The following MGMT variants were observed in gnomAD, a reference collection of about 807,000 sequenced individuals.
The protein encoded by MGMT is O-6-methylguanine-DNA methyltransferase.
MGMT carries 14 observed loss-of-function variants against 15.9 expected under a neutral mutation model. That is an observed-to-expected ratio of 0.88 (90% CI 0.58 to 1.37). The LOEUF is 1.37. Ranked by LOEUF, MGMT falls within the 40% of genes most tolerant of loss-of-function variation. The pLI is 0.00. For synonymous variants in MGMT, 130 were observed against 118.2 expected, an observed-to-expected ratio of 1.10 and a Z score of -0.65; for missense variants, 282 against 268.1, an observed-to-expected ratio of 1.05 and a Z score of -0.36.
At chr10:129,729,458 C>T (rs530049042) in intron 3 of MGMT, among the ~76,000 whole-genome samples, 1 of 152,202 alleles carries the variant, frequency 6.6e-6, no homozygotes, top group African/African-American at 2.4e-5. Context: ...ACCTGCGTGC[C>T]TCTCGTCCTC....
At chr10:129,627,551 G>A (rs934805204) in intron 2 of MGMT, among the ~76,000 whole-genome samples, 4 of 152,000 alleles carry the variant, frequency 2.6e-5, no homozygotes, top group Non-Finnish European at 5.9e-5. Flanking sequence ...CTGGCCCCTC[G>A]CCCTCCACTC....
chr10:129,624,622 G>A (rs984191135), intron 2 of MGMT, among the ~76,000 whole-genome samples: 13 of 152,218 alleles, frequency 8.5e-5, no homozygotes, highest in Admixed American at 8.5e-4. Flanking sequence ...TCCAAGGGAA[G>A]GCAGAGGAGG....
chr10:129,624,836 C>T (rs1015642946), intron 2 of MGMT, among the ~76,000 whole-genome samples: 2 of 152,092 alleles, frequency 1.3e-5, no homozygotes, highest in African/African-American at 2.4e-5. Flanking sequence ...AGAGATGCAC[C>T]GTGCAGGGCA....
chr10:129,568,665 C>A (rs1225153343), intron 2 of MGMT, among the ~76,000 whole-genome samples: 1 of 152,144 alleles, frequency 6.6e-6, no homozygotes, highest in Admixed American at 6.5e-5. Flanking sequence ...GTTTCTGAGA[C>A]CCCTCTGGAG....
chr10:129,718,480 A>G (rs1052768309), intron 3 of MGMT, among the ~76,000 whole-genome samples: 5 of 151,816 alleles, frequency 3.3e-5, no homozygotes, highest in South Asian at 2.1e-4. Flanking sequence ...TCGAAGGGCA[A>G]TTCTTCACTC....
At chr10:129,488,856 A>G (rs1305585381) in intron 1 of MGMT, among the ~76,000 whole-genome samples, 3 of 152,134 alleles carry the variant, frequency 2.0e-5, no homozygotes, top group East Asian at 1.9e-4. Context: ...CTGCAAATAT[A>G]TGACAAACAT....
At chr10:129,694,642 A>G (rs1050953037) in intron 2 of MGMT, among the ~76,000 whole-genome samples, 3 of 152,048 alleles carry the variant, frequency 2.0e-5, no homozygotes, top group African/African-American at 7.2e-5. Flanking sequence ...GACTTTTCCA[A>G]GCCCCAGTTA....
Position 129,749,466 on chromosome 10 carries a change from T to G in MGMT, c.275-9736T>G, listed in dbSNP as rs113186989. ...CCGTGTCTTCTGCATAGCTCATTTTTTTCACTGAATAATATTCCATTGTAT... is the reference window on the plus strand; with the variant it reads ...CCGTGTCTTCTGCATAGCTCATTTTGTTCACTGAATAATATTCCATTGTAT... On this transcript the variant is annotated intron_variant, in intron 3 of 4. Coordinates refer to ENST00000651593, the MANE Select transcript of MGMT (RefSeq NM_002412.5). Among the ~76,000 whole-genome samples, 210 of 152,338 alleles carry G rather than the reference T, an allele frequency of 1.4e-3. 1 individual carries two copies. The highest frequency in any genetic ancestry group is 4.9e-3 in the African/African-American group (204 of 41,582).
At chr10:129,530,063 C>G (rs1057080611) in intron 1 of MGMT, among the ~76,000 whole-genome samples, 3 of 151,656 alleles carry the variant, frequency 2.0e-5, no homozygotes, top group African/African-American at 7.3e-5. Flanking sequence ...ACCAGCCTGG[C>G]TAATGTTTTT....
At chr10:129,720,067 G>C (rs553841245) in intron 3 of MGMT, among the ~76,000 whole-genome samples, 1 of 152,118 alleles carries the variant, frequency 6.6e-6, no homozygotes, top group Non-Finnish European at 1.5e-5. Flanking sequence ...CCCGCCCTCC[G>C]CCCTTGCTTG....
intron 1 of MGMT, among the ~76,000 whole-genome samples, chr10:129,505,276 CTG>C (rs1845614310): frequency 6.6e-6 from 1 of 152,068 alleles, no homozygotes; most frequent in Non-Finnish European, 1.5e-5. Flanking sequence ...TATTGATAAA[CTG>C]TATATTATTA....
intron 2 of MGMT, among the ~76,000 whole-genome samples, chr10:129,669,164 G>T (rs993906226): frequency 6.6e-6 from 1 of 151,864 alleles, no homozygotes; most frequent in Non-Finnish European, 1.5e-5. Flanking sequence ...TGATATTTTT[G>T]TTTTTTTAAA....
At chr10:129,763,486 G>A (rs973989984) in intron 4 of MGMT, among the ~76,000 whole-genome samples, 5 of 152,134 alleles carry the variant, frequency 3.3e-5, no homozygotes, top group Admixed American at 2.0e-4. Flanking sequence ...TTGTTATTCC[G>A]TGCCATCTGT....
At chr10:129,696,673 T>C (rs968194315) in intron 2 of MGMT, among the ~76,000 whole-genome samples, 1 of 152,250 alleles carries the variant, frequency 6.6e-6, no homozygotes, top group Admixed American at 6.5e-5. Context: ...GTCTACCCAT[T>C]CGCTCAGTGG....
intron 1 of MGMT, among the ~76,000 whole-genome samples, chr10:129,472,066 C>A (rs894216124): frequency 2.6e-5 from 4 of 152,324 alleles, no homozygotes; most frequent in African/African-American, 9.6e-5. Context: ...ATATTTCACC[C>A]CTTCTTTCCT....
chr10:129,770,576 G>A lies in MGMT; in HGVS notation c.*3579G>A, dbSNP rs543205280. ...AGCTCGGACTTCACCCCGTTGGAGCGGGCAGGATGTCACACTGAGCTAATG... is the reference window on the plus strand; with the variant it reads ...AGCTCGGACTTCACCCCGTTGGAGCAGGCAGGATGTCACACTGAGCTAATG... On this transcript the variant is annotated 3_prime_UTR_variant, in exon 5 of 5. Coordinates refer to ENST00000651593, the MANE Select transcript of MGMT (RefSeq NM_002412.5). 3.9e-5 allele frequency among the ~76,000 whole-genome samples: 6 copies of A among 152,352 alleles called. No individual in the cohort carries two copies. Among genetic ancestry groups the A allele is most frequent in the African/African-American group, 7.2e-5 (3 of 41,570 alleles).
At chr10:129,662,128 C>T (rs945251039) in intron 2 of MGMT, among the ~76,000 whole-genome samples, 4 of 151,588 alleles carry the variant, frequency 2.6e-5, no homozygotes, top group African/African-American at 9.7e-5. Flanking sequence ...GGTGGGGACA[C>T]GGGAGGCAGA....
intron 2 of MGMT, among the ~76,000 whole-genome samples, chr10:129,649,090 A>G (rs1229051710): frequency 6.6e-6 from 1 of 151,968 alleles, no homozygotes; most frequent in Non-Finnish European, 1.5e-5. Flanking sequence ...TCAATAGAAC[A>G]CTCCAAGTAT....
chr10:129,538,518 G>T (rs895774853), intron 2 of MGMT, among the ~76,000 whole-genome samples: 1 of 152,218 alleles, frequency 6.6e-6, no homozygotes, highest in Non-Finnish European at 1.5e-5. Context: ...ATTCTGGCTG[G>T]TATGAAGTAT....
Sources: allele counts gnomAD v4.1 joint callset (sites outside exome capture counted in the v4.1 genomes callset), GRCh38; gene constraint gnomAD v4.1.1; transcripts MANE v1.5; gene names NCBI Gene and HGNC (gene_info 2026-07-23, HGNC 2026-07-21).